Variants in SHISA9 observed in about 807,000 individuals in gnomAD.
SHISA9 encodes the protein shisa family member 9, also known as protein shisa-9.
SHISA9 carries 13 observed loss-of-function variants against 38.0 expected under a neutral mutation model. That is an observed-to-expected ratio of 0.34 (90% CI 0.22 to 0.54). SHISA9 has a LOEUF of 0.54. SHISA9 is among the 20% of genes least tolerant of loss of function. The pLI, the probability that SHISA9 is intolerant of heterozygous loss-of-function variation, is 0.91. For synonymous variants in SHISA9, 275 were observed against 242.0 expected (o/e 1.14, Z -1.27); for missense variants, 538 against 575.8 (o/e 0.93, Z 0.67).
intron 2 of SHISA9, among the ~76,000 whole-genome samples, chr16:12,919,362 C>T (rs1259294610): frequency 2.0e-5 from 3 of 152,180 alleles, no homozygotes; most frequent in Admixed American, 6.5e-5. Flanking sequence ...CCAAGAAGGG[C>T]ACGTCATGCT....
chr16:13,322,566 T>G, the SHISA9 span, among the ~76,000 whole-genome samples: 3 of 152,118 alleles, frequency 2.0e-5, no homozygotes, highest in Non-Finnish European at 4.4e-5. Flanking sequence ...GCAGGGGTGC[T>G]AAGGAGGCTA....
At chr16:13,121,047 T>C (rs867658914) in intron 2 of SHISA9, among the ~76,000 whole-genome samples, 5 of 152,088 alleles carry the variant, frequency 3.3e-5, no homozygotes, top group Middle Eastern at 3.4e-3. Flanking sequence ...GCGATTAAAA[T>C]AACCTGGAGG....
chr16:13,474,324 A>G, the SHISA9 span: 1 of 152,354 alleles, frequency 6.6e-6, no homozygotes, highest in South Asian at 2.1e-4. Flanking sequence ...GAATTGATAT[A>G]GAAATAGAAG....
At chr16:13,099,663 A>C (rs1243896248) in intron 2 of SHISA9, among the ~76,000 whole-genome samples, 1 of 152,024 alleles carries the variant, frequency 6.6e-6, no homozygotes, top group Admixed American at 6.6e-5. Context: ...GCATGGCTGG[A>C]CCCCGATGGG....
chr16:13,554,916 A>G, the SHISA9 span, among the ~76,000 whole-genome samples: 1 of 152,242 alleles, frequency 6.6e-6, no homozygotes, highest in South Asian at 2.1e-4. Context: ...TGGAGAGAAG[A>G]GATGGGAAAC....
At chr16:13,262,684 G>A in the SHISA9 span, among the ~76,000 whole-genome samples, 1 of 146,660 alleles carries the variant, frequency 6.8e-6, no homozygotes, top group African/African-American at 2.5e-5. Context: ...GAGGGAGGAA[G>A]GAAGGAAGGA....
chr16:12,949,332 T>G (rs931704006), intron 2 of SHISA9, among the ~76,000 whole-genome samples: 1 of 152,236 alleles, frequency 6.6e-6, no homozygotes, highest in Non-Finnish European at 1.5e-5. Context: ...TGCACCACAG[T>G]CAGCCCCACT....
intron 2 of SHISA9, among the ~76,000 whole-genome samples, chr16:12,919,253 G>A (rs1462829076): frequency 6.6e-6 from 1 of 152,136 alleles, no homozygotes; most frequent in Non-Finnish European, 1.5e-5. Flanking sequence ...GAACCAGAAG[G>A]CACCCATTTA....
chr16:12,916,537 C>G (rs1323642552), intron 1 of SHISA9, 151 bp from the exon 2 acceptor site: 2 of 884,476 alleles, frequency 2.3e-6, no homozygotes, highest in Admixed American at 3.3e-5. Context: ...ATTTTATTTA[C>G]TTACGTTTTT....
intron 2 of SHISA9, among the ~76,000 whole-genome samples, chr16:13,177,457 A>G (rs114848815): frequency 0.013 from 1,882 of 146,738 alleles, 39 homozygotes; most frequent in African/African-American, 0.043. Flanking sequence ...TGGGTGGGGG[A>G]AAAAAACATT....
chr16:13,266,926 A>C, the SHISA9 span, among the ~76,000 whole-genome samples: 2 of 152,228 alleles, frequency 1.3e-5, no homozygotes, highest in Non-Finnish European at 2.9e-5. Context: ...CAGATTCAAC[A>C]CTGAAAAAAG....
intron 2 of SHISA9, among the ~76,000 whole-genome samples, chr16:12,970,284 A>G (rs1240221565): frequency 7.1e-6 from 1 of 140,006 alleles, no homozygotes; most frequent in Non-Finnish European, 1.5e-5. Flanking sequence ...CATATGCAGA[A>G]GAATGAAAGT....
chr16:12,915,674 T>G (rs989052370), intron 1 of SHISA9, among the ~76,000 whole-genome samples: 1 of 152,066 alleles, frequency 6.6e-6, no homozygotes, highest in African/African-American at 2.4e-5. Flanking sequence ...AAGTGAAATG[T>G]GGGGATTGCT....
the SHISA9 span, among the ~76,000 whole-genome samples, chr16:13,268,699 A>AT: frequency 2.0e-5 from 3 of 151,980 alleles, no homozygotes; most frequent in Non-Finnish European, 4.4e-5. Flanking sequence ...ATTTCTTGTG[A>AT]TTTTTCTTTC....
the SHISA9 span, among the ~76,000 whole-genome samples, chr16:13,311,845 G>A: frequency 1.3e-5 from 2 of 152,094 alleles, no homozygotes; most frequent in South Asian, 4.2e-4. Context: ...TTCCTTATAT[G>A]TAAAAACGAG....
the SHISA9 span, among the ~76,000 whole-genome samples, chr16:13,357,835 T>C: frequency 6.6e-6 from 1 of 151,634 alleles, no homozygotes; most frequent in Non-Finnish European, 1.5e-5. Context: ...GGGGTGCTTT[T>C]TGAGCCAGGA....
At chr16:13,527,691 T>C in the SHISA9 span, among the ~76,000 whole-genome samples, 5 of 152,140 alleles carry the variant, frequency 3.3e-5, no homozygotes, top group African/African-American at 1.2e-4. Context: ...TATCCCTGTT[T>C]GCCCCGACAC....
chr16:13,499,089 G>A, the SHISA9 span, among the ~76,000 whole-genome samples: 1 of 152,116 alleles, frequency 6.6e-6, no homozygotes, highest in Non-Finnish European at 1.5e-5. Flanking sequence ...ACACTTCTGG[G>A]GTACAGTATC....
chr16:13,390,245 A>G, the SHISA9 span, among the ~76,000 whole-genome samples: 1 of 152,138 alleles, frequency 6.6e-6, no homozygotes, highest in South Asian at 2.1e-4. Flanking sequence ...GAACCATGAC[A>G]TCAGAAGATT....
Sources: allele counts gnomAD v4.1 joint callset (sites outside exome capture counted in the v4.1 genomes callset), GRCh38; gene constraint gnomAD v4.1.1; transcripts MANE v1.5; gene names NCBI Gene and HGNC (gene_info 2026-07-23, HGNC 2026-07-21).